The following TRRAP variants were observed in gnomAD, a reference collection of about 807,000 sequenced individuals.
TRRAP encodes the protein transformation/transcription domain-associated protein.
A neutral mutation model predicts 438.8 loss-of-function variants in TRRAP; 41 were observed. The observed-to-expected ratio is 0.09, with a 90% confidence interval of 0.07 to 0.12. The LOEUF (loss-of-function observed/expected upper bound fraction) is 0.12. Among genes scored for constraint, TRRAP ranks in the 10% least tolerant of loss-of-function variants. The pLI is 1.00. For synonymous variants in TRRAP, 1,994 were observed against 1,962.9 expected (o/e 1.02, Z -0.42); for missense variants, 3,122 against 5,055.1 (o/e 0.62, Z 11.60).
intron 64 of TRRAP, 93 bp from the exon 65 acceptor site, chr7:98,992,044 T>G (rs1793451289): frequency 7.0e-7 from 1 of 1,424,732 alleles, no homozygotes; most frequent in South Asian, 1.2e-5. Flanking sequence ...GACACCTGTT[T>G]CTGACTTGAC....
intron 67 of TRRAP, among the ~76,000 whole-genome samples, chr7:99,001,657 C>G (rs1364944988): frequency 6.6e-6 from 1 of 152,184 alleles, no homozygotes; most frequent in African/African-American, 2.4e-5. Context: ...TTCCGCTCTC[C>G]TGTACACAGG....
intron 56 of TRRAP, among the ~76,000 whole-genome samples, chr7:98,977,706 A>G (rs1462587855): frequency 6.6e-6 from 1 of 152,184 alleles, no homozygotes; most frequent in African/African-American, 2.4e-5. Flanking sequence ...GGCTCAGGCC[A>G]CCATTTCAGG....
rs369507379 is a variant in TRRAP, at chr7:98,951,571, T to C, written c.5463+567T>C. 2.5e-4 allele frequency among the ~76,000 whole-genome samples: 38 copies of C among 152,376 alleles called. No homozygotes were observed. The South Asian group carries it at 7.9e-3, about 32-fold the overall frequency. On this transcript the variant is annotated intron_variant, in intron 39 of 72. Coordinates refer to ENST00000456197, the MANE Select transcript of TRRAP (RefSeq NM_001375524.1). ...TGTTATTTCCCCAAGGTTTACTGTA[T>C]TGATCTTCACTGTTAAAGGCCGTGT...
In TRRAP at chr7:99,001,516, G is replaced by C. The variant is rs193198429; in HGVS notation, c.10310-2674G>C. ...AAAGTAGAGAATCAGAAATGGGATA[G>C]ATCTTCTGGCTTTTGATGTAAAAAA... is the stretch of plus-strand genomic sequence containing the variant. On this transcript the variant is annotated intron_variant, in intron 67 of 72. Transcript: ENST00000456197. Among the ~76,000 whole-genome samples, 89 of 151,898 alleles carry C rather than the reference G, an allele frequency of 5.9e-4. 3 individuals carry two copies. The highest frequency in any genetic ancestry group is 5.4e-3 in the Admixed American group (83 of 15,284).
At chr7:98,916,810 TG>T (rs1789538911) in intron 19 of TRRAP, among the ~76,000 whole-genome samples, 1 of 152,202 alleles carries the variant, frequency 6.6e-6, no homozygotes, top group Non-Finnish European at 1.5e-5. Context: ...CCTTTGGATT[TG>T]GGACCTGGTT....
rs191089965 is a variant in TRRAP, at chr7:99,010,892, C to T, written c.10939-160C>T. Among the ~76,000 whole-genome samples, 15 of 152,296 alleles carry T rather than the reference C, an allele frequency of 9.8e-5. No homozygotes were observed. In the East Asian group the frequency reaches 1.4e-3, roughly 14 times the overall value. On this transcript the variant is annotated intron_variant, in intron 70 of 72. Transcript: ENST00000456197. ...GGGAAACAGCCATCTTGTGCCTCCTCGCCTTCAGTCTCCTAACAATGCGTG... is the reference window on the plus strand; with the variant it reads ...GGGAAACAGCCATCTTGTGCCTCCTTGCCTTCAGTCTCCTAACAATGCGTG...
Position 98,988,970 on chromosome 7 carries a change from A to G in TRRAP, c.9591+4A>G. On this transcript the variant is annotated splice_donor_region_variant and intron_variant, in intron 63 of 72. Transcript: ENST00000456197. ...ATCGAGGAAATACTTAGCCAAGGTGAGACCGAAAAAACGAGCTTTGACCAG... is the reference window on the plus strand; with the variant it reads ...ATCGAGGAAATACTTAGCCAAGGTGGGACCGAAAAAACGAGCTTTGACCAG... The G allele has an allele frequency of 6.2e-7, 1 of 1,611,376 alleles. No individual in the cohort carries two copies. The highest frequency in any genetic ancestry group is 8.5e-7 in the Non-Finnish European group (1 of 1,178,652).
chr7:98,897,750 T>G lies in TRRAP; in HGVS notation c.517T>G (p.Phe173Val). The G allele has an allele frequency of 1.2e-6, 2 of 1,613,758 alleles. No homozygotes were observed. Among genetic ancestry groups the G allele is most frequent in the Non-Finnish European group, 1.7e-6 (2 of 1,179,894 alleles). ...KELPKVVNRYFENPQVIPENT... is the reference protein window; with the variant it reads ...KELPKVVNRYVENPQVIPENT... Reference sequence around the variant, plus strand: ...TATGACTTTTATGTAGAACCGCTACTTTGAGAACCCTCAAGTGATCCCCGA... The same window carrying G: ...TATGACTTTTATGTAGAACCGCTACGTTGAGAACCCTCAAGTGATCCCCGA... The change falls in exon 8 of 73, where the codon TTT (phenylalanine) becomes GTT (valine). Residue 173 changes from phenylalanine (F) to valine (V), a missense_variant. By Grantham distance (50) the Phe-to-Val change is conservative. This residue lies in a region of TRRAP where 343 missense variants were observed against 564.0 expected (regional missense o/e 0.61). Transcript: ENST00000456197.
intron 69 of TRRAP, among the ~76,000 whole-genome samples, chr7:99,007,908 C>G (rs777245301): frequency 1.3e-5 from 2 of 151,526 alleles, no homozygotes; most frequent in Non-Finnish European, 2.9e-5. Context: ...TCAAGGCAAC[C>G]TCTGACTCCC....
chr7:98,987,407 A>C (rs923589286), intron 62 of TRRAP, among the ~76,000 whole-genome samples: 2 of 152,146 alleles, frequency 1.3e-5, no homozygotes, highest in African/African-American at 4.8e-5. Context: ...AATGTTTTTT[A>C]GTTTTTAGTG....
At position 98,964,750 on chromosome 7, in the gene TRRAP, G is replaced by T. The variant is rs762461104; in HGVS notation, c.6951G>T (p.Ala2317=). ...MVREHLNPQA[A]SGSTEATSGT... ...GGGAGCATTTAAACCCTCAGGCAGCGTCAGGAAGCACCGAAGCCACCTCAG... is the reference window on the plus strand; with the variant it reads ...GGGAGCATTTAAACCCTCAGGCAGCTTCAGGAAGCACCGAAGCCACCTCAG... The change falls in exon 48 of 73, where the codon GCG becomes GCT. Residue 2317 remains alanine (A), a synonymous_variant. Transcript: ENST00000456197. 1 of 1,613,084 alleles carries T rather than the reference G, an allele frequency of 6.2e-7. No individual in the cohort carries two copies. The highest frequency in any genetic ancestry group is 1.1e-5 in the South Asian group (1 of 90,832).
Position 99,012,464 on chromosome 7 carries a change from T to A in TRRAP, c.*109T>A, listed in dbSNP as rs1355238619. The A allele has an allele frequency of 2.3e-5, 30 of 1,298,838 alleles. No homozygotes were observed. The East Asian group carries it at 4.8e-4, about 21-fold the overall frequency. 80.5% of individuals were successfully genotyped at this position (1,298,838 alleles called of 1,614,324 possible). On this transcript the variant is annotated 3_prime_UTR_variant, in exon 73 of 73. Transcript: ENST00000456197. This position sits in a 1 kb window ranked among gnomAD's most constrained non-coding sequence, Gnocchi z 5.9. ...CCTTATATTCACAGAAGCCCCATAG[T>A]TTCACTGGGTTGCGGTTATTTTCCT... is the stretch of plus-strand genomic sequence containing the variant.
intron 67 of TRRAP, chr7:98,999,124 C>T (rs971777674): frequency 2.2e-5 from 34 of 1,541,342 alleles, no homozygotes; most frequent in Non-Finnish European, 2.8e-5. Flanking sequence ...CACCGAAGGG[C>T]ACTTTGGTTC....
At chr7:98,921,023 G>A (rs1789766852) in intron 20 of TRRAP, among the ~76,000 whole-genome samples, 1 of 152,110 alleles carries the variant, frequency 6.6e-6, no homozygotes, top group South Asian at 2.1e-4. Flanking sequence ...GTTTTTAGTA[G>A]ATGGGGTTAC....
chr7:98,973,359 T>C (rs1792503650), intron 53 of TRRAP, among the ~76,000 whole-genome samples: 1 of 152,214 alleles, frequency 6.6e-6, no homozygotes, highest in African/African-American at 2.4e-5. Context: ...ATGGTCACCA[T>C]GACACATCAC....
chr7:98,954,678 A>T (rs1554419081), intron 40 of TRRAP, among the ~76,000 whole-genome samples: 1 of 152,094 alleles, frequency 6.6e-6, no homozygotes, highest in African/African-American at 2.4e-5. Flanking sequence ...ATGACCTCAC[A>T]TCGGGGCCTC....
At chr7:98,929,390 C>T (rs1790218687) in intron 23 of TRRAP, among the ~76,000 whole-genome samples, 2 of 152,114 alleles carry the variant, frequency 1.3e-5, no homozygotes, top group Non-Finnish European at 2.9e-5. Context: ...ATGAAAGTGG[C>T]AAAGTGGCAT....
At chr7:98,965,074 C>G (rs750741727) in intron 48 of TRRAP, among the ~76,000 whole-genome samples, 6 of 152,214 alleles carry the variant, frequency 3.9e-5, no homozygotes, top group African/African-American at 7.2e-5. Context: ...TGTGATCACG[C>G]CTGTGAATAT....
chr7:98,918,113 C>T (rs1287584751), intron 20 of TRRAP, among the ~76,000 whole-genome samples: 1 of 142,914 alleles, frequency 7.0e-6, no homozygotes, highest in Non-Finnish European at 1.5e-5. Flanking sequence ...AAAATCAGAC[C>T]CTGTCTCAAA....
Sources: allele counts gnomAD v4.1 joint callset (sites outside exome capture counted in the v4.1 genomes callset), GRCh38; gene constraint gnomAD v4.1.1; regional missense constraint gnomAD v4.1.1; non-coding constraint Gnocchi (gnomAD v3.1); transcripts MANE v1.5; gene names NCBI Gene and HGNC (gene_info 2026-07-23, HGNC 2026-07-21).